PNCK: variants seen among roughly 807,000 people sequenced by gnomAD.
The protein encoded by PNCK is pregnancy up-regulated nonubiquitous CaM kinase.
In PNCK, 21 loss-of-function variants were observed where a neutral mutation model predicts 28.3. The ratio of observed to expected loss-of-function variants is 0.74; its 90% confidence interval spans 0.53 to 1.07. The LOEUF (loss-of-function observed/expected upper bound fraction) is 1.07. PNCK is among the 50% of genes least tolerant of loss of function. PNCK has a pLI of 0.00. For synonymous variants in PNCK, 136 were observed against 125.2 expected (o/e 1.09, Z -0.58); for missense variants, 250 against 298.3 (o/e 0.84, Z 1.19).
intron 2 of PNCK, 100 bp from the exon 3 acceptor site, chrX:153,672,797 T>A: frequency 9.9e-7 from 1 of 1,006,632 alleles, no homozygotes; most frequent in Non-Finnish European, 1.3e-6. Flanking sequence ...GTGAAGGAGA[T>A]GGGGAGGCCC....
chrX:153,672,509 C>G, intron 3 of PNCK, 57 bp downstream of exon 3: 1 of 1,178,849 alleles, frequency 8.5e-7, no homozygotes, highest in Non-Finnish European at 1.1e-6. Flanking sequence ...GAGCCAAGGA[C>G]TGCTTGCACC....
Position 153,672,709 on chromosome X carries a change from G to C in PNCK, c.69-12C>G, listed in dbSNP as rs782199181. ...CGGAGAAGGCACCCCTGCCGCAGAC[G>C]GGGCGGTGGGAGGTGGGAAGGAAGT... On this transcript the variant is annotated splice_polypyrimidine_tract_variant and intron_variant, in intron 2 of 11. Coordinates refer to ENST00000340888, the MANE Select transcript of PNCK (RefSeq NM_001366977.1). 12 of 1,191,745 alleles carry C rather than the reference G, an allele frequency of 1.0e-5. No individual in the cohort carries two copies. The highest frequency in any genetic ancestry group is 1.2e-5 in the Non-Finnish European group (11 of 889,200).
At chrX:153,680,942 T>C (rs782213849) in intron 1 of PNCK, among the ~76,000 whole-genome samples, 315 of 106,388 alleles carry the variant, frequency 3.0e-3, no homozygotes, top group African/African-American at 0.01. Context: ...AGTGGGAGAA[T>C]TGCTTTAGCC....
chrX:153,676,755 T>G (rs782309802), upstream of PNCK, among the ~76,000 whole-genome samples: 2 of 109,459 alleles, frequency 1.8e-5, no homozygotes, highest in Non-Finnish European at 3.8e-5. Flanking sequence ...TCCCAACTAC[T>G]TGGGAGTCTG....
At chrX:153,673,319 G>A in intron 1 of PNCK, 1 of 1,163,536 alleles carries the variant, frequency 8.6e-7, no homozygotes, top group Non-Finnish European at 1.1e-6. Flanking sequence ...CACCCCGAAG[G>A]CGACCAGCGC....
chrX:153,683,254 C>A (rs2091403123), intron 1 of PNCK, among the ~76,000 whole-genome samples: 2 of 109,520 alleles, frequency 1.8e-5, no homozygotes, highest in Non-Finnish European at 3.8e-5. Context: ...GATTCTCCTG[C>A]CTCAGCCTCC....
intron 1 of PNCK, 43 bp downstream of exon 1, chrX:153,673,737 G>C: frequency 1.4e-6 from 1 of 716,692 alleles, no homozygotes; most frequent in Non-Finnish European, 1.6e-6. Flanking sequence ...GATCCGGTGC[G>C]CCCCCGCCCC....
At chrX:153,683,965 C>G (rs1557042791) in intron 1 of PNCK, among the ~76,000 whole-genome samples, 1 of 112,414 alleles carries the variant, frequency 8.9e-6, no homozygotes, top group Non-Finnish European at 1.9e-5. Flanking sequence ...TTACAAATCT[C>G]TTGAGCTCTG....
intron 1 of PNCK, chrX:153,687,391 G>C (rs781913057): frequency 3.1e-6 from 1 of 324,209 alleles, no homozygotes; most frequent in African/African-American, 2.7e-5. Context: ...AGCCAGGCAG[G>C]CTCCCCTCTG....
rs782053727 is a variant in PNCK at position 153,671,898 on chromosome X, G to A, written c.396C>T (p.Ile132=). 1.7e-5 allele frequency: 20 copies of A among 1,207,378 alleles called. No individual in the cohort carries two copies. The highest frequency in any genetic ancestry group is 3.5e-5 in the South Asian group (2 of 56,482). ...CAGGCACCTTGAGGTCCCGGTGCACGATCCCCAGGCTGTGCAGGTAGGAGA... is the reference window on the plus strand; with the variant it reads ...CAGGCACCTTGAGGTCCCGGTGCACAATCCCCAGGCTGTGCAGGTAGGAGA... ...GAVSYLHSLG[I]VHRDLKPENL... is the part of the protein sequence containing the mutation. The change falls in exon 5 of 12, where the codon ATC becomes ATT. Residue 132 remains isoleucine (I), a synonymous_variant. Transcript: ENST00000340888.
upstream of PNCK, among the ~76,000 whole-genome samples, chrX:153,677,657 G>A (rs12382562): frequency 3.7e-5 from 3 of 81,670 alleles, no homozygotes; most frequent in African/African-American, 1.4e-4. Flanking sequence ...TATATATATA[G>A]TGTGTATATA....
At chrX:153,673,224 C>A (rs782288696) in intron 1 of PNCK, 146 bp from the exon 2 acceptor site, 2 of 1,198,713 alleles carry the variant, frequency 1.7e-6, no homozygotes, top group Admixed American at 4.5e-5. Flanking sequence ...GTCCACACCC[C>A]CAGACGGACG....
chrX:153,676,586 G>T (rs1347295300), upstream of PNCK, among the ~76,000 whole-genome samples: 1 of 112,073 alleles, frequency 8.9e-6, no homozygotes, highest in Non-Finnish European at 1.9e-5. Context: ...AACTTATGCC[G>T]GGTGTGGTGG....
upstream of PNCK, chrX:153,674,150 G>A (rs1557041151): frequency 3.3e-6 from 4 of 1,208,983 alleles, no homozygotes; most frequent in Admixed American, 8.7e-5. Context: ...GGCTGACCCG[G>A]CCACTTGCCC....
intron 1 of PNCK, among the ~76,000 whole-genome samples, chrX:153,683,595 T>C (rs2091404644): frequency 1.8e-5 from 2 of 111,169 alleles, no homozygotes; most frequent in Admixed American, 1.9e-4. Context: ...GGTTTCACCA[T>C]GTTGGCCAGG....
chrX:153,679,830 C>T (rs963971889), upstream of PNCK, among the ~76,000 whole-genome samples: 83 of 110,416 alleles, frequency 7.5e-4, no homozygotes, highest in Non-Finnish European at 1.4e-3. Context: ...CCTCGGCCTC[C>T]CAAAGTGCTG....
At chrX:153,685,286 C>A (rs1557043014) in intron 1 of PNCK, among the ~76,000 whole-genome samples, 1 of 111,305 alleles carries the variant, frequency 9.0e-6, no homozygotes, top group Non-Finnish European at 1.9e-5. Flanking sequence ...GGGAGAGGAC[C>A]CAGCCAGGGA....
chrX:153,673,373 GA>G, intron 1 of PNCK: 1 of 1,016,273 alleles, frequency 9.8e-7, no homozygotes, highest in Non-Finnish European at 1.3e-6. Context: ...CCGCTTTCCA[GA>G]AGGCTCCATG....
chrX:153,683,284 G>T (rs891415024), intron 1 of PNCK, among the ~76,000 whole-genome samples: 6 of 110,603 alleles, frequency 5.4e-5, no homozygotes, highest in Admixed American at 4.8e-4. Flanking sequence ...GGGATTACAG[G>T]CCCGTGCCAC....
Sources: allele counts gnomAD v4.1 joint callset (sites outside exome capture counted in the v4.1 genomes callset), GRCh38; gene constraint gnomAD v4.1.1; transcripts MANE v1.5; gene names NCBI Gene and HGNC (gene_info 2026-07-23, HGNC 2026-07-21).